RYR2: variants seen among roughly 807,000 people sequenced by gnomAD.
The protein encoded by RYR2 is ryanodine receptor 2.
Under a neutral mutation model 601.1 loss-of-function variants are expected in RYR2, and 227 were observed. The ratio of observed to expected loss-of-function variants is 0.38; its 90% confidence interval spans 0.34 to 0.42. RYR2 has a LOEUF of 0.42. Among genes scored for constraint, RYR2 ranks in the 10% least tolerant of loss-of-function variants. The pLI is 1.00. For missense variants in RYR2, 4,646 were observed against 6,156.5 expected (o/e 0.75, Z 8.21); for synonymous variants, 2,223 against 2,175.1 (o/e 1.02, Z -0.61).
intron 1 of RYR2, among the ~76,000 whole-genome samples, chr1:237,070,012 A>C (rs1664111020): frequency 6.7e-6 from 1 of 149,774 alleles, no homozygotes; most frequent in African/African-American, 2.5e-5. Flanking sequence ...CTGGTTTGAC[A>C]TACCTGTTGG....
intron 10 of RYR2, among the ~76,000 whole-genome samples, chr1:237,396,237 T>C (rs6677658): frequency 0.12 from 18,352 of 151,988 alleles, 2,521 homozygotes; most frequent in African/African-American, 0.34. Context: ...CCTGAGTGAG[T>C]AGAAAACATT....
At chr1:237,362,670 T>G (rs1020915284) in intron 4 of RYR2, among the ~76,000 whole-genome samples, 10 of 152,214 alleles carry the variant, frequency 6.6e-5, no homozygotes, top group African/African-American at 1.7e-4. Context: ...TGCTATAATT[T>G]TGGTAATATC....
chr1:237,622,420 T>G (rs1424430308), intron 38 of RYR2, among the ~76,000 whole-genome samples: 1 of 152,196 alleles, frequency 6.6e-6, no homozygotes, highest in Non-Finnish European at 1.5e-5. Context: ...TAGTACAAAG[T>G]TTATTTCATG....
At chr1:237,753,859 TA>T (rs1191309188) in intron 80 of RYR2, among the ~76,000 whole-genome samples, 7 of 152,012 alleles carry the variant, frequency 4.6e-5, no homozygotes, top group Non-Finnish European at 8.8e-5. Flanking sequence ...ATCTGCAGTT[TA>T]AAAAATTGTT....
chr1:237,329,902 G>A (rs1440776166), intron 2 of RYR2, among the ~76,000 whole-genome samples: 2 of 152,072 alleles, frequency 1.3e-5, no homozygotes, highest in South Asian at 2.1e-4. Context: ...AAAAAATAAA[G>A]CAATACAGAT....
intron 3 of RYR2, among the ~76,000 whole-genome samples, chr1:237,355,436 A>G (rs1310466965): frequency 6.6e-6 from 1 of 152,156 alleles, no homozygotes; most frequent in Non-Finnish European, 1.5e-5. Flanking sequence ...AACTTTAAAA[A>G]ATAATTTGAT....
chr1:237,225,027 C>T lies in RYR2; in HGVS notation c.49-45470C>T, dbSNP rs1404566706. Among the ~76,000 whole-genome samples, 3 of 152,190 alleles carry T rather than the reference C, an allele frequency of 2.0e-5. No individual in the cohort carries two copies. The East Asian group carries it at 5.8e-4, about 29-fold the overall frequency. On this transcript the variant is annotated intron_variant, in intron 1 of 104. Coordinates refer to ENST00000366574, the MANE Select transcript of RYR2 (RefSeq NM_001035.3). Reference sequence around the variant, plus strand: ...TGCTTTTAACCACTATGCTGTGTTTCCCAAGGTTCTGATCATTTCAGAAGG... The same window carrying T: ...TGCTTTTAACCACTATGCTGTGTTTTCCAAGGTTCTGATCATTTCAGAAGG...
intron 14 of RYR2, among the ~76,000 whole-genome samples, chr1:237,452,831 G>C (rs1480427693): frequency 6.6e-6 from 1 of 151,152 alleles, no homozygotes; most frequent in Non-Finnish European, 1.5e-5. Flanking sequence ...ATACATCTTT[G>C]TATTAGAGGA....
Position 237,614,582 on chromosome 1 carries a change from T to C in RYR2, c.5454T>C (p.Phe1818=), listed in dbSNP as rs201218861. 76 of 1,613,962 alleles carry C rather than the reference T, an allele frequency of 4.7e-5. No homozygotes were observed. Among genetic ancestry groups the C allele is most frequent in the Non-Finnish European group, 4.2e-5 (50 of 1,179,920 alleles). Residue 1818 remains phenylalanine (F), a synonymous_variant, in exon 37 of 105, where the codon TTT becomes TTC. Transcript: ENST00000366574. This position sits in a 1 kb window ranked among gnomAD's most constrained non-coding sequence, Gnocchi z 4.3. The part of the protein sequence containing the change: ...DPVGGTTEFL[F]VPLIKLFYTL... ...TTGGAGGGACTACTGAATTCCTCTT[T>C]GTACCTCTCATCAAGCTTTTCTATA... is the stretch of plus-strand genomic sequence containing the variant.
At chr1:237,575,786 AC>A (rs1673163263) in intron 29 of RYR2, among the ~76,000 whole-genome samples, 1 of 152,192 alleles carries the variant, frequency 6.6e-6, no homozygotes, top group Admixed American at 6.5e-5. Context: ...TGTTTTTCAA[AC>A]TTGTAATATG....
intron 2 of RYR2, among the ~76,000 whole-genome samples, chr1:237,317,987 G>GT (rs1350390167): frequency 5.3e-5 from 8 of 152,058 alleles, no homozygotes; most frequent in African/African-American, 1.7e-4. Flanking sequence ...TTGCCATGTT[G>GT]TTTTTTCATA....
At chr1:237,478,129 G>A (rs1000610787) in intron 17 of RYR2, among the ~76,000 whole-genome samples, 1 of 152,086 alleles carries the variant, frequency 6.6e-6, no homozygotes, top group Admixed American at 6.5e-5. Context: ...TCAAAAACAG[G>A]GTTCATCCCT....
At chr1:237,586,296 A>G (rs143124773) in intron 29 of RYR2, among the ~76,000 whole-genome samples, 1 of 152,006 alleles carries the variant, frequency 6.6e-6, no homozygotes, top group East Asian at 1.9e-4. Context: ...GCACGTATTT[A>G]CTCCTGTGTA....
At chr1:237,261,169 A>G (rs750458589) in intron 1 of RYR2, among the ~76,000 whole-genome samples, 18 of 152,236 alleles carry the variant, frequency 1.2e-4, no homozygotes, top group Non-Finnish European at 2.1e-4. Flanking sequence ...AATGCAACGC[A>G]TATCTAGAAT....
At chr1:237,077,388 A>G (rs367862034) in intron 1 of RYR2, among the ~76,000 whole-genome samples, 1 of 128,200 alleles carries the variant, frequency 7.8e-6, no homozygotes. Context: ...CCCATCTCAC[A>G]TGCAGAGACA....
Position 237,270,529 on chromosome 1 carries a change from C to T in RYR2, c.81C>T (p.Thr27=). ...DDEVVLQCTA[T]IHKEQQKLCL... is the part of the protein sequence containing the mutation. The stretch of plus-strand genomic sequence containing the variant: ...AAGTGGTTCTGCAGTGCACCGCAAC[C>T]ATCCACAAAGAACAACAGAAGCTAT... The change falls in exon 2 of 105, where the codon ACC becomes ACT. Residue 27 remains threonine (T), a synonymous_variant. Coordinates refer to ENST00000366574, the MANE Select transcript of RYR2 (RefSeq NM_001035.3). The T allele has an allele frequency of 6.3e-7, 1 of 1,594,752 alleles. No individual in the cohort carries two copies. The highest frequency in any genetic ancestry group is 8.5e-7 in the Non-Finnish European group (1 of 1,170,092).
At chr1:237,233,204 A>G (rs1477134005) in intron 1 of RYR2, among the ~76,000 whole-genome samples, 1 of 152,242 alleles carries the variant, frequency 6.6e-6, no homozygotes, top group Non-Finnish European at 1.5e-5. Flanking sequence ...CTATGTTCCA[A>G]CGAATGCTGT....
chr1:237,149,778 C>T (rs781751434), intron 1 of RYR2, among the ~76,000 whole-genome samples: 1 of 151,318 alleles, frequency 6.6e-6, no homozygotes, highest in Non-Finnish European at 1.5e-5. Flanking sequence ...TCCTTGTTTT[C>T]ATGTGAAATG....
chr1:237,750,964 G>T (rs1488566125), intron 80 of RYR2, among the ~76,000 whole-genome samples: 2 of 152,100 alleles, frequency 1.3e-5, no homozygotes, highest in Non-Finnish European at 1.5e-5. Context: ...TCTGGGGTAG[G>T]GTTAATAACC....
Sources: allele counts gnomAD v4.1 joint callset (sites outside exome capture counted in the v4.1 genomes callset), GRCh38; gene constraint gnomAD v4.1.1; non-coding constraint Gnocchi (gnomAD v3.1); transcripts MANE v1.5; gene names NCBI Gene and HGNC (gene_info 2026-07-23, HGNC 2026-07-21).